The following BCKDHB variants were observed in gnomAD, a reference collection of about 807,000 sequenced individuals.
BCKDHB encodes the protein 2-oxoisovalerate dehydrogenase subunit beta, mitochondrial.
Under a neutral mutation model 48.5 loss-of-function variants are expected in BCKDHB, and 41 were observed. The ratio of observed to expected loss-of-function variants is 0.85; its 90% CI spans 0.66 to 1.10. The LOEUF (loss-of-function observed/expected upper bound fraction) is 1.10. BCKDHB is among the 50% of genes least tolerant of loss of function. The pLI is 0.00. For missense variants in BCKDHB, 496 were observed against 494.2 expected, an observed-to-expected ratio of 1.00 and a Z score of -0.03; for synonymous variants, 201 against 174.8, an observed-to-expected ratio of 1.15 and a Z score of -1.18.
At chr6:80,408,772 G>A in the BCKDHB span, among the ~76,000 whole-genome samples, 3 of 146,644 alleles carry the variant, frequency 2.0e-5, no homozygotes, top group African/African-American at 5.0e-5. Context: ...TGTTGCTAGC[G>A]GTCTATCTAT....
chr6:80,240,471 CT>C (rs1174441604), intron 8 of BCKDHB, among the ~76,000 whole-genome samples: 2 of 152,050 alleles, frequency 1.3e-5, no homozygotes, highest in Non-Finnish European at 2.9e-5. Context: ...CTCTGTTTGT[CT>C]GTTATTGGTG....
intron 9 of BCKDHB, among the ~76,000 whole-genome samples, chr6:80,298,505 A>G (rs965494181): frequency 9.9e-5 from 15 of 152,230 alleles, no homozygotes; most frequent in African/African-American, 2.9e-4. Flanking sequence ...TGCTCAGAGA[A>G]TGGAAAAATT....
At chr6:80,389,639 T>C in the BCKDHB span, among the ~76,000 whole-genome samples, 13 of 152,300 alleles carry the variant, frequency 8.5e-5, no homozygotes, top group Non-Finnish European at 1.8e-4. Context: ...AGTGCAGCAG[T>C]GGGCTTATGC....
chr6:80,239,121 T>C (rs1365518521), intron 8 of BCKDHB, among the ~76,000 whole-genome samples: 3 of 152,186 alleles, frequency 2.0e-5, no homozygotes, highest in Non-Finnish European at 4.4e-5. Flanking sequence ...TACCCAGTAA[T>C]GAGATCGCTA....
the BCKDHB span, among the ~76,000 whole-genome samples, chr6:80,386,425 G>T: frequency 6.6e-6 from 1 of 150,976 alleles, no homozygotes; most frequent in Non-Finnish European, 1.5e-5. Context: ...TATAGATGGG[G>T]CTGGATGCCT....
At chr6:80,397,151 C>T in the BCKDHB span, among the ~76,000 whole-genome samples, 1 of 152,092 alleles carries the variant, frequency 6.6e-6, no homozygotes, top group African/African-American at 2.4e-5. Flanking sequence ...TGGGTATTTG[C>T]CAGCCTTCAG....
chr6:80,224,964 AG>A (rs1775619953), intron 8 of BCKDHB, among the ~76,000 whole-genome samples: 2 of 152,182 alleles, frequency 1.3e-5, no homozygotes, highest in Admixed American at 6.5e-5. Flanking sequence ...GTGCGGTTCT[AG>A]TTGTTACAGT....
chr6:80,352,139 TTTG>T, the BCKDHB span, among the ~76,000 whole-genome samples: 14 of 123,050 alleles, frequency 1.1e-4, 1 homozygote, highest in Admixed American at 3.9e-4. Flanking sequence ...TTTTCTTCTT[TTTG>T]TTGTTGTTGT....
the BCKDHB span, among the ~76,000 whole-genome samples, chr6:80,364,892 TAAAG>T: frequency 6.6e-6 from 1 of 152,090 alleles, no homozygotes; most frequent in African/African-American, 2.4e-5. Context: ...AGCTGAGAAA[TAAAG>T]AGAGACAGTA....
chr6:80,355,744 G>A, the BCKDHB span: 1 of 152,124 alleles, frequency 6.6e-6, no homozygotes, highest in Admixed American at 6.6e-5. Flanking sequence ...TCAAACACAA[G>A]GAATTTGCAC....
At chr6:80,461,491 CAA>C in the BCKDHB span, among the ~76,000 whole-genome samples, 906 of 152,218 alleles carry the variant, frequency 6.0e-3, 8 homozygotes, top group African/African-American at 0.02. Context: ...CAGAGTTTTA[CAA>C]AGTGTTACAA....
chr6:80,346,537 G>T (rs137863498), downstream of BCKDHB, among the ~76,000 whole-genome samples: 162 of 152,164 alleles, frequency 1.1e-3, 2 homozygotes, highest in African/African-American at 3.3e-3. Context: ...GTGTGTGGTG[G>T]GTGGTGAGGC....
At chr6:80,258,301 C>A (rs1456575827) in intron 8 of BCKDHB, among the ~76,000 whole-genome samples, 2 of 152,134 alleles carry the variant, frequency 1.3e-5, no homozygotes, top group Non-Finnish European at 2.9e-5. Context: ...GTTCAGGTGC[C>A]TGAGGAGAAA....
At chr6:80,359,180 C>T in the BCKDHB span, among the ~76,000 whole-genome samples, 1 of 152,204 alleles carries the variant, frequency 6.6e-6, no homozygotes, top group African/African-American at 2.4e-5. Flanking sequence ...AACCTGGTTT[C>T]CTGCTCCCAA....
the BCKDHB span, among the ~76,000 whole-genome samples, chr6:80,426,420 T>G: frequency 6.6e-6 from 1 of 152,162 alleles, no homozygotes; most frequent in African/African-American, 2.4e-5. Context: ...GAAGCTTAGA[T>G]CATTGATTCA....
At chr6:80,114,971 G>T (rs969581123) in intron 1 of BCKDHB, among the ~76,000 whole-genome samples, 1 of 152,198 alleles carries the variant, frequency 6.6e-6, no homozygotes, top group Non-Finnish European at 1.5e-5. Flanking sequence ...GCAACCCAGG[G>T]ACTCTAGACC....
chr6:80,353,523 A>G, the BCKDHB span, among the ~76,000 whole-genome samples: 2 of 142,058 alleles, frequency 1.4e-5, no homozygotes, highest in Non-Finnish European at 3.1e-5. Context: ...TTTTCTCTTC[A>G]TTCTCACTAA....
chr6:80,313,719 G>A (rs1455056926), intron 9 of BCKDHB, among the ~76,000 whole-genome samples: 1 of 152,138 alleles, frequency 6.6e-6, no homozygotes, highest in East Asian at 1.9e-4. Context: ...TCCTAGATTT[G>A]TTGATGTTTT....
the BCKDHB span, among the ~76,000 whole-genome samples, chr6:80,395,805 C>A: frequency 6.6e-6 from 1 of 152,166 alleles, no homozygotes; most frequent in Non-Finnish European, 1.5e-5. Flanking sequence ...ATGGGCCAGG[C>A]TCAGGACCCT....
Sources: allele counts gnomAD v4.1 joint callset (sites outside exome capture counted in the v4.1 genomes callset), GRCh38; gene constraint gnomAD v4.1.1; transcripts MANE v1.5; gene names NCBI Gene and HGNC (gene_info 2026-07-23, HGNC 2026-07-21).